SLC16A12: variants seen among roughly 807,000 people sequenced by gnomAD.
SLC16A12 encodes the protein monocarboxylate transporter 12.
SLC16A12 carries 17 observed loss-of-function variants against 42.4 expected under a neutral mutation model. That is an observed-to-expected ratio of 0.40 (90% CI 0.27 to 0.60). SLC16A12 has a LOEUF of 0.60. SLC16A12 is among the 20% of genes least tolerant of loss of function. The pLI is 0.42. For missense variants in SLC16A12, 544 were observed against 623.0 expected, an observed-to-expected ratio of 0.87 and a Z score of 1.35; for synonymous variants, 224 against 229.4, an observed-to-expected ratio of 0.98 and a Z score of 0.21.
chr10:89,492,772 A>C (rs1049035343), intron 2 of SLC16A12, among the ~76,000 whole-genome samples: 5 of 151,848 alleles, frequency 3.3e-5, no homozygotes, highest in African/African-American at 1.2e-4. Context: ...GACTCAGACC[A>C]ATCTAGTATG....
intron 2 of SLC16A12, among the ~76,000 whole-genome samples, chr10:89,503,107 G>C (rs1384839814): frequency 6.6e-6 from 1 of 152,210 alleles, no homozygotes; most frequent in Non-Finnish European, 1.5e-5. Context: ...GGATGAGAGA[G>C]AACAAGGCAA....
chr10:89,438,562 A>G (rs1463585030), intron 6 of SLC16A12, 42 bp downstream of exon 6: 1 of 1,570,910 alleles, frequency 6.4e-7, no homozygotes, highest in African/African-American at 1.4e-5. Flanking sequence ...CAAGGCTTAA[A>G]GTCCCCTGGT....
At chr10:89,543,920 T>C (rs1843729573) in intron 2 of SLC16A12, among the ~76,000 whole-genome samples, 1 of 152,212 alleles carries the variant, frequency 6.6e-6, no homozygotes, top group Non-Finnish European at 1.5e-5. Context: ...AAAATACAAA[T>C]GCTCCTCCCT....
chr10:89,430,714 G>T lies in SLC16A12; in HGVS notation c.*2350C>A, dbSNP rs1264172534. 1 of 463,184 alleles carries T rather than the reference G, an allele frequency of 2.2e-6. No homozygotes were observed. 28.7% of individuals were successfully genotyped at this position (463,184 alleles called of 1,614,324 possible). ...GAAAGTAAAATGCAAATCTATGCAT[G>T]TATAAAGTCAAATCTCCCAAATGTT... On this transcript the variant is annotated 3_prime_UTR_variant, in exon 8 of 8. Coordinates refer to ENST00000371790, the MANE Select transcript of SLC16A12 (RefSeq NM_213606.4).
At position 89,430,396 on chromosome 10, in the gene SLC16A12, C is replaced by A; in HGVS notation, c.*2668G>T. On this transcript the variant is annotated 3_prime_UTR_variant, in exon 8 of 8. Coordinates refer to ENST00000371790, the MANE Select transcript of SLC16A12 (RefSeq NM_213606.4). ...TGAAATTACAATCTGAACAAAAAGC[C>A]CAATCATACAGTGTATCTACAAAGT... 9.3e-6 allele frequency: 2 copies of A among 215,112 alleles called. No individual in the cohort carries two copies. The highest frequency in any genetic ancestry group is 6.2e-5 in the South Asian group (1 of 16,196). 13.3% of individuals were successfully genotyped at this position (215,112 alleles called of 1,614,324 possible).
chr10:89,523,819 T>C (rs1251996456), intron 2 of SLC16A12, among the ~76,000 whole-genome samples: 1 of 152,192 alleles, frequency 6.6e-6, no homozygotes, highest in Non-Finnish European at 1.5e-5. Flanking sequence ...AGTGAAGCTA[T>C]AAAGAATACA....
intron 2 of SLC16A12, among the ~76,000 whole-genome samples, chr10:89,474,398 T>C (rs17122257): frequency 1.3e-5 from 2 of 152,110 alleles, no homozygotes; most frequent in Non-Finnish European, 2.9e-5. Context: ...CTACGCCTAA[T>C]AAATGAATGA....
At chr10:89,520,248 A>C (rs1225118184) in intron 2 of SLC16A12, among the ~76,000 whole-genome samples, 1 of 152,190 alleles carries the variant, frequency 6.6e-6, no homozygotes, top group African/African-American at 2.4e-5. Context: ...CCTTTGACCC[A>C]CCTACCAAGG....
At position 89,439,125 on chromosome 10, in the gene SLC16A12, G is replaced by T; in HGVS notation, c.507C>A (p.Ser169Arg). Reference protein sequence around the residue: ...PAIAMVGKYFSRRKALAYGIA... With the variant: ...PAIAMVGKYFRRRKALAYGIA... ...TACCATAAGCAAGGGCTTTCCGTCT[G>T]CTGAAGTACTTGCCAACCATGGCAA... The change falls in exon 6 of 8, where the codon AGC becomes AGA. Residue 169 changes from serine to arginine, a missense_variant. Transcript: ENST00000371790. The T allele has an allele frequency of 6.2e-7, 1 of 1,614,016 alleles. No homozygotes were observed. The highest frequency in any genetic ancestry group is 8.5e-7 in the Non-Finnish European group (1 of 1,179,966).
At chr10:89,477,686 A>C (rs1354540280) in intron 2 of SLC16A12, among the ~76,000 whole-genome samples, 2 of 152,202 alleles carry the variant, frequency 1.3e-5, no homozygotes, top group Non-Finnish European at 2.9e-5. Context: ...AAGTAAAATA[A>C]ATTTGATGAA....
intron 2 of SLC16A12, among the ~76,000 whole-genome samples, chr10:89,516,931 A>G (rs1843261843): frequency 6.6e-6 from 1 of 152,238 alleles, no homozygotes; most frequent in Non-Finnish European, 1.5e-5. Context: ...TTCACTTGAA[A>G]TAAAAATAGT....
At chr10:89,433,488 A>G (rs972274977) in intron 7 of SLC16A12, among the ~76,000 whole-genome samples, 162 bp from the exon 8 acceptor site, 1 of 152,244 alleles carries the variant, frequency 6.6e-6, no homozygotes, top group Non-Finnish European at 1.5e-5. Context: ...GCAGCAACTG[A>G]AAAATACATT....
chr10:89,461,561 T>C (rs1842300769), intron 3 of SLC16A12, among the ~76,000 whole-genome samples: 1 of 152,220 alleles, frequency 6.6e-6, no homozygotes, highest in Non-Finnish European at 1.5e-5. Flanking sequence ...TCCTCATCCC[T>C]AGACTTAAAG....
At chr10:89,523,562 T>C (rs1351063094) in intron 2 of SLC16A12, among the ~76,000 whole-genome samples, 1 of 152,234 alleles carries the variant, frequency 6.6e-6, no homozygotes, top group African/African-American at 2.4e-5. Context: ...TTTATCTTTC[T>C]TCCCTACCAA....
intron 2 of SLC16A12, among the ~76,000 whole-genome samples, chr10:89,479,681 C>T (rs1842634065): frequency 6.6e-6 from 1 of 152,126 alleles, no homozygotes; most frequent in African/African-American, 2.4e-5. Flanking sequence ...AATGAGGTAA[C>T]CCATATTATA....
chr10:89,436,193 G>T lies in SLC16A12; in HGVS notation c.1155C>A (p.Tyr385Ter). The change falls in exon 7 of 8, where the codon TAC (tyrosine) becomes TAA (stop). Residue 385 changes from tyrosine to a stop codon, truncating the protein, a stop_gained. Coordinates refer to ENST00000371790, the MANE Select transcript of SLC16A12 (RefSeq NM_213606.4). LOFTEE classifies it high-confidence loss of function. ...TCAAAGTCACATAGGCACCATCAAA[G>T]TAGCCAAAGGTACAAGAGAAAGGCA... Reference protein sequence around the residue: ...LLVPFSCTFGYFDGAYVTLIP... With the variant: ...LLVPFSCTFG The T allele has an allele frequency of 6.2e-7, 1 of 1,614,120 alleles. No individual in the cohort carries two copies. Among genetic ancestry groups the T allele is most frequent in the Non-Finnish European group, 8.5e-7 (1 of 1,180,014 alleles).
intron 2 of SLC16A12, among the ~76,000 whole-genome samples, chr10:89,550,216 C>T (rs1843762438): frequency 6.6e-6 from 1 of 152,156 alleles, no homozygotes; most frequent in Non-Finnish European, 1.5e-5. Context: ...CATAAAACAT[C>T]AAGAATGTTT....
chr10:89,436,866 G>GA (rs201137521), intron 6 of SLC16A12, among the ~76,000 whole-genome samples: 10 of 76,210 alleles, frequency 1.3e-4, no homozygotes, highest in Non-Finnish European at 2.6e-4. Context: ...AAGAAATAAA[G>GA]AAAAAGAAAG....
chr10:89,513,175 TA>T lies in SLC16A12; in HGVS notation c.-47+21325del, dbSNP rs998051554. Among the ~76,000 whole-genome samples, 337 of 151,524 alleles carry T rather than the reference TA, an allele frequency of 2.2e-3. 1 individual carries two copies. Among genetic ancestry groups the T allele is most frequent in the African/African-American group, 7.7e-3 (317 of 41,316 alleles). On this transcript the variant is annotated intron_variant, in intron 2 of 7. Transcript: ENST00000371790. The stretch of plus-strand genomic sequence containing the variant: ...ATGTTATGTACACTTAACCATAATT[TA>T]AAAAAAAATGAAACCGCGATCATTT...
Sources: allele counts gnomAD v4.1 joint callset (sites outside exome capture counted in the v4.1 genomes callset), GRCh38; gene constraint gnomAD v4.1.1; transcripts MANE v1.5; gene names NCBI Gene and HGNC (gene_info 2026-07-23, HGNC 2026-07-21).